Variants in SH3D19 observed in about 807,000 individuals in gnomAD.
SH3D19 encodes SH3 domain-containing protein 19.
A neutral mutation model predicts 112.1 loss-of-function variants in SH3D19; 58 were observed. That is an observed-to-expected ratio of 0.52 (90% CI 0.42 to 0.64). The LOEUF is 0.64. SH3D19 is among the 30% of genes least tolerant of loss of function. SH3D19 has a pLI of 0.00. For missense variants in SH3D19, 1,090 were observed against 1,263.4 expected, an observed-to-expected ratio of 0.86 and a Z score of 2.08; for synonymous variants, 391 against 448.5, an observed-to-expected ratio of 0.87 and a Z score of 1.62.
chr4:151,310,852 T>C (rs1729385969), intron 1 of SH3D19, among the ~76,000 whole-genome samples: 2 of 151,452 alleles, frequency 1.3e-5, no homozygotes, highest in Non-Finnish European at 2.9e-5. Context: ...GGATTACAGG[T>C]ATGATTCACC....
At chr4:151,124,333 C>T (rs1215581036) in intron 19 of SH3D19, among the ~76,000 whole-genome samples, 2 of 152,008 alleles carry the variant, frequency 1.3e-5, no homozygotes, top group Non-Finnish European at 2.9e-5. Flanking sequence ...TCTTGAACTC[C>T]CGACCTCAGG....
intron 2 of SH3D19, among the ~76,000 whole-genome samples, chr4:151,214,978 C>T (rs1480082234): frequency 8.0e-5 from 12 of 149,242 alleles, no homozygotes; most frequent in Non-Finnish European, 1.8e-4. Context: ...AGAGACGCTC[C>T]TCACCTCCCA....
chr4:151,123,582 C>A (rs902474676), intron 19 of SH3D19, among the ~76,000 whole-genome samples: 2 of 152,118 alleles, frequency 1.3e-5, no homozygotes, highest in African/African-American at 4.8e-5. Flanking sequence ...CCTGCCATGG[C>A]CTCAATATCA....
rs752735137 is a variant in SH3D19 at position 151,154,486 on chromosome 4, G to A, written c.1755+4754C>T. 4.0e-5 allele frequency among the ~76,000 whole-genome samples: 6 copies of A among 151,826 alleles called. No homozygotes were observed. In the South Asian group the frequency reaches 6.2e-4, roughly 16 times the overall value. ...GTAGAGATGGGGTTTCACCATGTTG[G>A]CCAGGCTGGTCTTGAACTCCTCACC... On this transcript the variant is annotated intron_variant, in intron 9 of 19. Transcript: ENST00000604030.
At chr4:151,183,963 AGT>A (rs1761341512) in intron 3 of SH3D19, among the ~76,000 whole-genome samples, 1 of 152,226 alleles carries the variant, frequency 6.6e-6, no homozygotes, top group African/African-American at 2.4e-5. Flanking sequence ...TACCACGCAC[AGT>A]GTTATTTTAT....
At chr4:151,188,885 C>T (rs10776521) in intron 2 of SH3D19, among the ~76,000 whole-genome samples, 126,917 of 152,002 alleles carry the variant, frequency 0.83, 54,544 homozygotes, top group Non-Finnish European at 0.95. Flanking sequence ...GATAAGGTCA[C>T]ACTGGAGTTG....
chr4:151,130,608 C>G (rs1433854184), intron 17 of SH3D19, among the ~76,000 whole-genome samples: 1 of 152,040 alleles, frequency 6.6e-6, no homozygotes, highest in Non-Finnish European at 1.5e-5. Flanking sequence ...ACAAATGAAA[C>G]AAATGTTCCT....
At chr4:151,324,854 T>A (rs1730894863) in intron 1 of SH3D19, among the ~76,000 whole-genome samples, 1 of 152,022 alleles carries the variant, frequency 6.6e-6, no homozygotes, top group South Asian at 2.1e-4. Flanking sequence ...GCACGTGCTC[T>A]GACCTGGCTG....
At chr4:151,250,920 C>T (rs965602405) in intron 1 of SH3D19, among the ~76,000 whole-genome samples, 17 of 152,174 alleles carry the variant, frequency 1.1e-4, no homozygotes, top group African/African-American at 4.1e-4. Context: ...AGACTGTTGG[C>T]CGATGGATCC....
intron 1 of SH3D19, among the ~76,000 whole-genome samples, chr4:151,236,995 C>G (rs1455016612): frequency 6.6e-6 from 1 of 152,228 alleles, no homozygotes; most frequent in African/African-American, 2.4e-5. Flanking sequence ...GCAGCAGCAA[C>G]ATGCTGAAGT....
At chr4:151,319,070 G>A (rs747795594) in intron 1 of SH3D19, among the ~76,000 whole-genome samples, 8 of 152,122 alleles carry the variant, frequency 5.3e-5, no homozygotes, top group Non-Finnish European at 1.2e-4. Flanking sequence ...TTCTTTTTGA[G>A]ACAGAGTTTC....
chr4:151,197,772 G>C (rs977534964), intron 2 of SH3D19, among the ~76,000 whole-genome samples: 1 of 152,040 alleles, frequency 6.6e-6, no homozygotes, highest in Non-Finnish European at 1.5e-5. Context: ...GATAATAGTG[G>C]TCATTTTAAA....
intron 1 of SH3D19, chr4:151,277,206 C>A: frequency 6.7e-7 from 1 of 1,503,744 alleles, no homozygotes; most frequent in Non-Finnish European, 9.0e-7. Context: ...CACGCTGCTC[C>A]TTCTGCTGGG....
intron 2 of SH3D19, among the ~76,000 whole-genome samples, chr4:151,214,785 G>A (rs79579004): frequency 0.051 from 665 of 13,138 alleles, 18 homozygotes; most frequent in East Asian, 0.19. Context: ...CCTCCCTCCC[G>A]GACGGAGCGC....
chr4:151,147,867 T>C (rs1199383810), intron 11 of SH3D19, 55 bp downstream of exon 11: 4 of 1,527,888 alleles, frequency 2.6e-6, no homozygotes, highest in African/African-American at 2.8e-5. Flanking sequence ...ATGAATCGTA[T>C]ATATACTTTA....
chr4:151,291,990 A>G (rs928098360), intron 1 of SH3D19, among the ~76,000 whole-genome samples: 11 of 152,202 alleles, frequency 7.2e-5, no homozygotes, highest in Non-Finnish European at 1.6e-4. Context: ...CATAAGGAGC[A>G]GTAAAAAAAG....
chr4:151,259,068 C>A (rs1772167030), intron 1 of SH3D19, among the ~76,000 whole-genome samples: 1 of 152,028 alleles, frequency 6.6e-6, no homozygotes. Context: ...CCCCATTCTC[C>A]CACTAGGAGG....
chr4:151,126,850 G>A (rs891598069), intron 19 of SH3D19, among the ~76,000 whole-genome samples: 6 of 94,936 alleles, frequency 6.3e-5, no homozygotes, highest in South Asian at 4.0e-4. Context: ...ACTTTAAGAA[G>A]AAATTAGGCA....
At chr4:151,245,036 C>T (rs993226566) in intron 1 of SH3D19, among the ~76,000 whole-genome samples, 7 of 151,802 alleles carry the variant, frequency 4.6e-5, no homozygotes, top group African/African-American at 9.7e-5. Flanking sequence ...CCCAGCTATT[C>T]GGGAGGCTGA....
Sources: gnomAD v4.1 joint callset for allele counts (sites outside exome capture counted in the v4.1 genomes callset) on GRCh38, gnomAD v4.1.1 for gene constraint, MANE v1.5 for transcripts, NCBI Gene and HGNC (gene_info 2026-07-23, HGNC 2026-07-21) for gene names.